KLC1: variants seen among roughly 807,000 people sequenced by gnomAD.
KLC1 encodes kinesin 2 60/70kDa.
A neutral mutation model predicts 84.2 loss-of-function variants in KLC1; 30 were observed. That is an observed-to-expected ratio of 0.36 (90% CI 0.27 to 0.48). The LOEUF is 0.48. Among genes scored for constraint, KLC1 ranks in the 20% least tolerant of loss-of-function variants. The pLI is 0.99. For missense variants in KLC1, 499 were observed against 805.4 expected, an observed-to-expected ratio of 0.62 and a Z score of 4.60; for synonymous variants, 289 against 293.3, an observed-to-expected ratio of 0.99 and a Z score of 0.15.
chr14:103,693,574 G>A lies in KLC1; in HGVS notation c.1848+1149G>A, dbSNP rs763120151. Reference sequence around the variant, plus strand: ...GCAGGAACGAAATAATTGTCTGGCCGACTCGCGAGCTCTGAGTGCCAGCCA... The same window carrying A: ...GCAGGAACGAAATAATTGTCTGGCCAACTCGCGAGCTCTGAGTGCCAGCCA... On this transcript the variant is annotated intron_variant, in intron 15 of 16. Coordinates refer to ENST00000334553, the MANE Select transcript of KLC1 (RefSeq NM_001394837.1). The surrounding 1 kb of genome is among the most constrained non-coding windows in gnomAD (Gnocchi z 5.1). 19 of 1,536,018 alleles carry A rather than the reference G, an allele frequency of 1.2e-5. No individual in the cohort carries two copies. Among genetic ancestry groups the A allele is most frequent in the East Asian group, 4.9e-5 (2 of 40,906 alleles).
rs1435437634 is a variant in KLC1 at position 103,694,377 on chromosome 14, G to A, written c.1848+1952G>A. 6.4e-6 allele frequency: 6 copies of A among 941,700 alleles called. No individual in the cohort carries two copies. The highest frequency in any genetic ancestry group is 9.8e-5 in the South Asian group (2 of 20,336). 58.3% of individuals were successfully genotyped at this position (941,700 alleles called of 1,614,324 possible). A position where few individuals can be genotyped will look rare whatever the true frequency, so the allele number is the denominator to read the frequency against. On this transcript the variant is annotated intron_variant, in intron 15 of 16. Coordinates refer to ENST00000334553, the MANE Select transcript of KLC1 (RefSeq NM_001394837.1). This position sits in a 1 kb window ranked among gnomAD's most constrained non-coding sequence, Gnocchi z 4.5. ...CGCCATTCTCCTGCCTCAGCCTCCC[G>A]AGTAGCTGGGACTACAGGCACCCGC...
intron 7 of KLC1, among the ~76,000 whole-genome samples, chr14:103,670,614 C>CA (rs372266148): frequency 1.3e-5 from 2 of 151,662 alleles, no homozygotes; most frequent in African/African-American, 4.8e-5. Flanking sequence ...GGATTACAGG[C>CA]TGAGCCACTG....
At chr14:103,635,616 T>C (rs1331222957) in intron 1 of KLC1, among the ~76,000 whole-genome samples, 1 of 152,050 alleles carries the variant, frequency 6.6e-6, no homozygotes, top group Non-Finnish European at 1.5e-5. Flanking sequence ...TAGCCGCGTG[T>C]GGTAGTATGC....
intron 1 of KLC1, among the ~76,000 whole-genome samples, chr14:103,643,023 G>A (rs1458102700): frequency 6.6e-6 from 1 of 152,056 alleles, no homozygotes; most frequent in Non-Finnish European, 1.5e-5. Context: ...CACCCACCAT[G>A]GCCTCCCAAA....
chr14:103,673,159 C>T lies in KLC1; in HGVS notation c.1133C>T (p.Pro378Leu). Residue 378 changes from proline (P) to leucine (L), a missense_variant, in exon 8 of 17, where the codon CCC becomes CTC. Coordinates refer to ENST00000334553, the MANE Select transcript of KLC1 (RefSeq NM_001394837.1). ...CAGACAAAACTGGGACCTGATGACC[C>T]CAACGTGGCTAAGACGAAAAATAAC... ...IYQTKLGPDD[P>L]NVAKTKNNLA... is the part of the protein sequence containing the mutation. 2 of 1,613,398 alleles carry T rather than the reference C, an allele frequency of 1.2e-6. No individual in the cohort carries two copies. Among genetic ancestry groups the T allele is most frequent in the Non-Finnish European group, 1.7e-6 (2 of 1,179,846 alleles).
chr14:103,698,730 C>T (rs748375579), intron 15 of KLC1: 9 of 1,421,548 alleles, frequency 6.3e-6, no homozygotes, highest in Middle Eastern at 2.4e-4. Flanking sequence ...CAGGCAGACG[C>T]GTTTTAAAGG....
chr14:103,697,039 T>C lies in KLC1; in HGVS notation c.1849-3616T>C, dbSNP rs533338493. ...CCAGGCGTGTTTTCTCTGTTAAATG[T>C]ACCTCTGTCTTTAAGCTGTCTCATT... is the stretch of plus-strand genomic sequence containing the variant. On this transcript the variant is annotated intron_variant, in intron 15 of 16. Coordinates refer to ENST00000334553, the MANE Select transcript of KLC1 (RefSeq NM_001394837.1). 2.4e-4 allele frequency: 234 copies of C among 985,492 alleles called. No homozygotes were observed. The African/African-American group carries it at 3.9e-3, about 16-fold the overall frequency. 61.0% of individuals were successfully genotyped at this position (985,492 alleles called of 1,614,324 possible).
chr14:103,663,755 G>A (rs574478122), intron 5 of KLC1, among the ~76,000 whole-genome samples: 17 of 152,290 alleles, frequency 1.1e-4, no homozygotes, highest in African/African-American at 4.1e-4. Context: ...TGCCTAGGAT[G>A]CAGTTGGGGG....
At chr14:103,682,375 G>GAA (rs3035510) in intron 13 of KLC1, 12 of 97,682 alleles carry the variant, frequency 1.2e-4, no homozygotes, top group African/African-American at 4.0e-4. Flanking sequence ...GTCTCAAAAA[G>GAA]AAAAAAAAAA....
chr14:103,701,216 C>A lies in KLC1; in HGVS notation c.*17C>A, dbSNP rs1450696292. On this transcript the variant is annotated 3_prime_UTR_variant, in exon 17 of 17. Transcript: ENST00000334553. ...TCTCTTGCAGTGACCCCGACCTGGC[C>A]CCGCTCCAGGATGGGACTGCCGAGT... 3 of 1,550,626 alleles carry A rather than the reference C, an allele frequency of 1.9e-6. No homozygotes were observed. The highest frequency in any genetic ancestry group is 2.6e-6 in the Non-Finnish European group (3 of 1,146,372).
intron 3 of KLC1, 53 bp downstream of exon 3, chr14:103,657,829 GAA>G: frequency 7.8e-7 from 1 of 1,285,254 alleles, no homozygotes; most frequent in Non-Finnish European, 1.1e-6. Context: ...GAGTCACTGG[GAA>G]AGTCATAGAG....
rs532357406 is a variant in KLC1 at position 103,688,951 on chromosome 14, C to T, written c.1781+1740C>T. Among the ~76,000 whole-genome samples, 3 of 152,296 alleles carry T rather than the reference C, an allele frequency of 2.0e-5. No individual in the cohort carries two copies. The South Asian group carries it at 6.2e-4, about 32-fold the overall frequency. ...TAGTGATCTTATTTTAAAATGTTTA[C>T]AGATTTCCAGAACCAAAATGATAGA... On this transcript the variant is annotated intron_variant, in intron 14 of 16. Transcript: ENST00000334553.
At chr14:103,696,199 T>G (rs1303846620) in intron 15 of KLC1, 1 of 977,928 alleles carries the variant, frequency 1.0e-6, no homozygotes, top group African/African-American at 1.8e-5. Context: ...TATCTCTGGG[T>G]AGTTGGTGCA....
chr14:103,658,855 C>A (rs1407627777), intron 3 of KLC1, among the ~76,000 whole-genome samples: 1 of 151,742 alleles, frequency 6.6e-6, no homozygotes, highest in South Asian at 2.1e-4. Context: ...GATAGGGTTT[C>A]ATTGCGTTAG....
chr14:103,677,500 G>C lies in KLC1; in HGVS notation c.1465G>C (p.Ala489Pro). Residue 489 changes from alanine to proline, a missense_variant, in exon 12 of 17, where the codon GCT becomes CCT. Physicochemically the swap from Ala to Pro is conservative, Grantham distance 27. Coordinates refer to ENST00000334553, the MANE Select transcript of KLC1 (RefSeq NM_001394837.1). ...TGAAGCTGCAGAAACGTTAGAAGAA[G>C]CTGCTATGAGGTCTCGTAAACAGGT... ...KFEAAETLEE[A>P]AMRSRKQGLD... 6.2e-7 allele frequency: 1 copy of C among 1,613,722 alleles called. No individual in the cohort carries two copies. Among genetic ancestry groups the C allele is most frequent in the Non-Finnish European group, 8.5e-7 (1 of 1,179,646 alleles).
At chr14:103,682,181 C>T (rs748625345) in intron 13 of KLC1, among the ~76,000 whole-genome samples, 1 of 151,816 alleles carries the variant, frequency 6.6e-6, no homozygotes, top group African/African-American at 2.4e-5. Flanking sequence ...CTATCCTGGC[C>T]AACACGGTGA....
At chr14:103,674,589 A>G (rs2080721678) in intron 9 of KLC1, among the ~76,000 whole-genome samples, 1 of 151,848 alleles carries the variant, frequency 6.6e-6, no homozygotes, top group Non-Finnish European at 1.5e-5. Context: ...TAATTTTTGT[A>G]TTTGTAGTAG....
intron 13 of KLC1, among the ~76,000 whole-genome samples, chr14:103,680,391 G>A (rs2081256081): frequency 6.6e-6 from 1 of 151,872 alleles, no homozygotes; most frequent in Admixed American, 6.6e-5. Context: ...TGAAGTTGCC[G>A]TAGTACAGTT....
intron 15 of KLC1, chr14:103,700,345 C>A (rs1165110813): frequency 2.9e-6 from 1 of 339,046 alleles, no homozygotes; most frequent in African/African-American, 2.2e-5. Context: ...CCTCGGCCTC[C>A]CTCTGGGTGC....
Sources: allele counts gnomAD v4.1 joint callset (sites outside exome capture counted in the v4.1 genomes callset), GRCh38; gene constraint gnomAD v4.1.1; non-coding constraint Gnocchi (gnomAD v3.1); transcripts MANE v1.5; gene names NCBI Gene and HGNC (gene_info 2026-07-23, HGNC 2026-07-21).